RAPGEF2: variants seen among roughly 807,000 people sequenced by gnomAD.
RAPGEF2 encodes the protein Rap guanine nucleotide exchange factor 2.
RAPGEF2 carries 54 observed loss-of-function variants against 186.7 expected under a neutral mutation model. The observed-to-expected ratio is 0.29, with a 90% confidence interval of 0.23 to 0.36. The LOEUF (loss-of-function observed/expected upper bound fraction) is 0.36, where lower values mean the gene tolerates loss of function less well. Ranked by LOEUF, RAPGEF2 falls within the 10% of genes least tolerant of loss-of-function variation. The probability of loss-of-function intolerance (pLI) is 1.00; values close to 1 mark genes in which losing one functional copy is unlikely to be tolerated. For missense variants in RAPGEF2, 1,532 were observed against 2,045.0 expected (o/e 0.75, Z 4.84); for synonymous variants, 712 against 705.9 (o/e 1.01, Z -0.14).
chr4:159,346,127 C>T (rs537992632), intron 24 of RAPGEF2, among the ~76,000 whole-genome samples: 1 of 152,314 alleles, frequency 6.6e-6, no homozygotes, highest in Non-Finnish European at 1.5e-5. Context: ...ACTTACTTGA[C>T]CTCCCTAATC....
In RAPGEF2 at chr4:159,354,488, A is replaced by C. The variant is rs116064858; in HGVS notation, c.4651+442A>C. The stretch of plus-strand genomic sequence containing the variant: ...TTGTATACTTAAAAGTCTTCCATTG[A>C]TTTTTATTCTGCACGCACATTGTTG... On this transcript the variant is annotated intron_variant, in intron 28 of 29. Coordinates refer to ENST00000691494, the MANE Select transcript of RAPGEF2 (RefSeq NM_001394067.2). 8.2e-3 allele frequency among the ~76,000 whole-genome samples: 1,254 copies of C among 152,264 alleles called. 15 individuals are homozygous for C. The highest frequency in any genetic ancestry group is 0.028 in the African/African-American group (1,177 of 41,544).
At chr4:159,354,133 G>C in intron 28 of RAPGEF2, 87 bp downstream of exon 28, 1 of 1,336,288 alleles carries the variant, frequency 7.5e-7, no homozygotes, top group South Asian at 1.6e-5. Context: ...GTGTTTGTTG[G>C]TTCTTTTCCT....
rs1757400605 is a variant in RAPGEF2, at chr4:159,266,170, T to TG, written c.543+22382dup. Among the ~76,000 whole-genome samples, 4 of 150,972 alleles carry TG rather than the reference T, an allele frequency of 2.6e-5. No individual in the cohort carries two copies. In the South Asian group the frequency reaches 8.4e-4, roughly 32 times the overall value. On this transcript the variant is annotated intron_variant, in intron 7 of 29. Transcript: ENST00000691494. ...AGCATATGTGGCAAAAGAAGGATAA[T>TG]GGGTAATGTAAGAAAAGGGGTTGGG... is the stretch of plus-strand genomic sequence containing the variant.
At chr4:159,229,229 C>T (rs987035647) in intron 4 of RAPGEF2, 7 of 152,166 alleles carry the variant, frequency 4.6e-5, no homozygotes, top group African/African-American at 7.2e-5. Context: ...TATTCCCTTG[C>T]TGGGTGTAGG....
intron 5 of RAPGEF2, 32 bp downstream of exon 5, chr4:159,238,916 C>A: frequency 7.2e-7 from 1 of 1,386,242 alleles, no homozygotes; most frequent in Non-Finnish European, 9.4e-7. Context: ...CTATTTTTCC[C>A]CTAAAAAATT....
At chr4:159,258,212 CCT>C (rs1457416929) in intron 7 of RAPGEF2, among the ~76,000 whole-genome samples, 7 of 152,022 alleles carry the variant, frequency 4.6e-5, no homozygotes, top group African/African-American at 1.7e-4. Flanking sequence ...ACTCTCCATG[CCT>C]TTTTAGAGCT....
chr4:159,147,665 C>G (rs1743089945), intron 1 of RAPGEF2, among the ~76,000 whole-genome samples: 1 of 152,220 alleles, frequency 6.6e-6, no homozygotes, highest in African/African-American at 2.4e-5. Context: ...GATTACAAAA[C>G]AGAATGCATA....
intron 1 of RAPGEF2, among the ~76,000 whole-genome samples, chr4:159,172,980 G>A: frequency 6.6e-6 from 1 of 152,088 alleles, no homozygotes; most frequent in East Asian, 1.9e-4. Context: ...GTCTAAAAGA[G>A]ATCAATTTTG....
intron 7 of RAPGEF2, among the ~76,000 whole-genome samples, chr4:159,286,026 C>T (rs1256497688): frequency 6.9e-6 from 1 of 145,008 alleles, no homozygotes. Flanking sequence ...TAACTGTTCC[C>T]CCCAACCACC....
At chr4:159,287,711 T>A (rs946004830) in intron 7 of RAPGEF2, among the ~76,000 whole-genome samples, 13 of 152,204 alleles carry the variant, frequency 8.5e-5, no homozygotes, top group Non-Finnish European at 1.5e-4. Flanking sequence ...GTTTGTGGAA[T>A]ACTTGTCTTT....
At chr4:159,287,888 G>A (rs1228425650) in intron 7 of RAPGEF2, among the ~76,000 whole-genome samples, 2 of 152,076 alleles carry the variant, frequency 1.3e-5, no homozygotes, top group Non-Finnish European at 2.9e-5. Flanking sequence ...TATACTAAAT[G>A]AATCCTCAAG....
chr4:159,213,501 A>G (rs893003757), intron 4 of RAPGEF2, among the ~76,000 whole-genome samples: 7 of 152,174 alleles, frequency 4.6e-5, no homozygotes, highest in African/African-American at 7.2e-5. Context: ...CTTGAACAAC[A>G]TTTTTATATT....
chr4:159,211,332 G>A (rs1750506690), intron 4 of RAPGEF2, among the ~76,000 whole-genome samples: 1 of 152,146 alleles, frequency 6.6e-6, no homozygotes, highest in Admixed American at 6.5e-5. Context: ...AAGGGTGTCA[G>A]CTACTGAGTT....
intron 1 of RAPGEF2, among the ~76,000 whole-genome samples, chr4:159,115,969 A>G (rs1739003791): frequency 6.6e-6 from 1 of 152,232 alleles, no homozygotes; most frequent in Admixed American, 6.5e-5. Context: ...TGTAAAACCC[A>G]CAACTATAAA....
At chr4:159,348,391 G>A (rs1195887416) in intron 25 of RAPGEF2, among the ~76,000 whole-genome samples, 2 of 152,002 alleles carry the variant, frequency 1.3e-5, no homozygotes, top group African/African-American at 2.4e-5. Flanking sequence ...GTATGGCTTG[G>A]GTGAGAGTCA....
Position 159,210,570 on chromosome 4 carries a change from CT to C in RAPGEF2, c.270del (p.Pro91GlnfsTer22). 1 of 1,529,398 alleles carries C rather than the reference CT, an allele frequency of 6.5e-7. No individual in the cohort carries two copies. The highest frequency in any genetic ancestry group is 8.8e-7 in the Non-Finnish European group (1 of 1,140,962). The allele number at this position is 1,529,398 out of a possible 1,614,324, so 94.7% of individuals were successfully genotyped here. A position where few individuals can be genotyped will look rare whatever the true frequency, so the allele number is the denominator to read the frequency against. On this transcript the variant is annotated frameshift_variant, in exon 4 of 30. Coordinates refer to ENST00000691494, the MANE Select transcript of RAPGEF2 (RefSeq NM_001394067.2). LOFTEE classifies it high-confidence loss of function. ...GSVFIKESMF[L>X]PRSSFGKRSA... is the part of the protein sequence containing the mutation. ...CGTGTTCATCAAGGAATCCATGTTT[CT>C]TCCAAGAAGCAGGTATTGTATAGAC...
chr4:159,130,383 C>A (rs1424202152), intron 1 of RAPGEF2, among the ~76,000 whole-genome samples: 1 of 152,172 alleles, frequency 6.6e-6, no homozygotes, highest in Admixed American at 6.5e-5. Context: ...ATGCCTCTGA[C>A]AACAGGGTCT....
intron 1 of RAPGEF2, among the ~76,000 whole-genome samples, chr4:159,176,049 T>A (rs139838649): frequency 2.1e-4 from 32 of 152,282 alleles, no homozygotes; most frequent in African/African-American, 7.0e-4. Context: ...ATGTGAATGG[T>A]CAAGGTGGTA....
intron 13 of RAPGEF2, among the ~76,000 whole-genome samples, chr4:159,331,028 C>T (rs1171590430): frequency 6.6e-6 from 1 of 152,154 alleles, no homozygotes; most frequent in Non-Finnish European, 1.5e-5. Context: ...TGCACCCTTA[C>T]AGAGCTTTCT....
Sources: gnomAD v4.1 joint callset for allele counts (sites outside exome capture counted in the v4.1 genomes callset) on GRCh38, gnomAD v4.1.1 for gene constraint, MANE v1.5 for transcripts, NCBI Gene and HGNC (gene_info 2026-07-23, HGNC 2026-07-21) for gene names.